Variants in LRRC4C observed in about 807,000 individuals in gnomAD.
LRRC4C encodes the protein leucine rich repeat containing 4C.
A neutral mutation model predicts 33.6 loss-of-function variants in LRRC4C; 5 were observed. That is an observed-to-expected ratio of 0.15 (90% CI 0.08 to 0.31). The LOEUF (loss-of-function observed/expected upper bound fraction) is 0.31, where lower values mean the gene tolerates loss of function less well. LRRC4C is among the 10% of genes least tolerant of loss of function. The pLI, the probability that LRRC4C is intolerant of heterozygous loss-of-function variation, is 1.00. For synonymous variants in LRRC4C, 329 were observed against 302.0 expected, an observed-to-expected ratio of 1.09 and a Z score of -0.93; for missense variants, 560 against 796.7, an observed-to-expected ratio of 0.70 and a Z score of 3.58.
intron 1 of LRRC4C, among the ~76,000 whole-genome samples, chr11:41,281,069 T>TC (rs1337316580): frequency 1.6e-4 from 22 of 136,974 alleles, no homozygotes; most frequent in African/African-American, 5.3e-4. Flanking sequence ...TCTCTCTCTC[T>TC]CTCTCTGTCC....
intron 1 of LRRC4C, among the ~76,000 whole-genome samples, chr11:41,183,380 G>T (rs1016197912): frequency 2.0e-5 from 3 of 151,320 alleles, no homozygotes; most frequent in African/African-American, 7.3e-5. Flanking sequence ...CAATGGAGGT[G>T]GGGCATTGGG....
chr11:41,037,929 G>GT (rs1030191341), intron 1 of LRRC4C, among the ~76,000 whole-genome samples: 89 of 152,204 alleles, frequency 5.8e-4, no homozygotes, highest in African/African-American at 2.0e-3. Context: ...TTTTTGAGTG[G>GT]TTTTACATTT....
intron 1 of LRRC4C, among the ~76,000 whole-genome samples, chr11:40,946,593 C>T (rs1202575772): frequency 2.6e-5 from 4 of 152,138 alleles, no homozygotes; most frequent in Non-Finnish European, 2.9e-5. Flanking sequence ...CCTTGCCAGC[C>T]TTGCCAACCA....
chr11:40,591,164 C>T (rs552484944), intron 3 of LRRC4C, among the ~76,000 whole-genome samples: 16 of 152,206 alleles, frequency 1.1e-4, no homozygotes, highest in African/African-American at 2.6e-4. Flanking sequence ...AGCCAGGTAC[C>T]GGATATAATC....
intron 1 of LRRC4C, among the ~76,000 whole-genome samples, chr11:41,339,771 C>A (rs1335177004): frequency 1.3e-5 from 2 of 152,154 alleles, no homozygotes; most frequent in Admixed American, 1.3e-4. Flanking sequence ...ATATGTTCAT[C>A]TCTCTTCCCT....
chr11:40,461,025 T>C (rs1344112353), intron 3 of LRRC4C, among the ~76,000 whole-genome samples: 1 of 152,174 alleles, frequency 6.6e-6, no homozygotes, highest in Non-Finnish European at 1.5e-5. Context: ...CTTTCCAAAA[T>C]AGTACTTCTG....
chr11:41,157,626 G>A (rs564951237), intron 1 of LRRC4C, among the ~76,000 whole-genome samples: 1 of 152,192 alleles, frequency 6.6e-6, no homozygotes, highest in East Asian at 1.9e-4. Context: ...TATCACATCA[G>A]TAATTACAGG....
At chr11:41,355,492 T>A (rs1506711) in intron 1 of LRRC4C, among the ~76,000 whole-genome samples, 2 of 151,886 alleles carry the variant, frequency 1.3e-5, no homozygotes, top group Non-Finnish European at 2.9e-5. Context: ...ATGTTAAAAG[T>A]GAATAAAGCC....
intron 3 of LRRC4C, among the ~76,000 whole-genome samples, chr11:40,605,609 G>A (rs1565552181): frequency 6.6e-6 from 1 of 152,092 alleles, no homozygotes; most frequent in Non-Finnish European, 1.5e-5. Flanking sequence ...TCTCCCTGGG[G>A]GAAGAAAAGA....
chr11:40,530,246 C>A (rs80320891), intron 3 of LRRC4C, among the ~76,000 whole-genome samples: 1 of 151,972 alleles, frequency 6.6e-6, no homozygotes, highest in Non-Finnish European at 1.5e-5. Flanking sequence ...AATATAATAT[C>A]CAATTAAGCA....
At chr11:40,825,769 C>G (rs932897804) in intron 2 of LRRC4C, among the ~76,000 whole-genome samples, 1 of 151,442 alleles carries the variant, frequency 6.6e-6, no homozygotes, top group African/African-American at 2.4e-5. Context: ...CTGCCAGAGT[C>G]CACTTAGTGT....
intron 1 of LRRC4C, among the ~76,000 whole-genome samples, chr11:41,152,063 G>T (rs1023631618): frequency 6.6e-6 from 1 of 152,034 alleles, no homozygotes; most frequent in Admixed American, 6.6e-5. Flanking sequence ...GAACTCCCTT[G>T]TTCTCTGTTC....
chr11:41,353,663 C>G (rs565182026), intron 1 of LRRC4C, among the ~76,000 whole-genome samples: 1 of 152,222 alleles, frequency 6.6e-6, no homozygotes, highest in East Asian at 1.9e-4. Flanking sequence ...CATCAAAAAG[C>G]TAATCTACCA....
At chr11:40,883,266 C>G (rs551641301) in intron 2 of LRRC4C, among the ~76,000 whole-genome samples, 5 of 152,022 alleles carry the variant, frequency 3.3e-5, no homozygotes, top group African/African-American at 9.7e-5. Context: ...AGAAATGCAA[C>G]TTTCCAGTCT....
intron 3 of LRRC4C, among the ~76,000 whole-genome samples, chr11:40,322,192 A>G (rs1036193535): frequency 3.9e-5 from 6 of 152,148 alleles, no homozygotes; most frequent in Non-Finnish European, 7.4e-5. Context: ...CAGCTTCTCA[A>G]TGGTAGCACT....
At chr11:40,267,204 G>T (rs1455632493) in intron 4 of LRRC4C, among the ~76,000 whole-genome samples, 1 of 152,076 alleles carries the variant, frequency 6.6e-6, no homozygotes, top group African/African-American at 2.4e-5. Context: ...TCAATGGCAT[G>T]CATGATCTTG....
chr11:40,307,729 G>T (rs1945111719), intron 4 of LRRC4C, among the ~76,000 whole-genome samples: 1 of 152,222 alleles, frequency 6.6e-6, no homozygotes, highest in East Asian at 1.9e-4. Flanking sequence ...CTCATTAAAT[G>T]TTTGTTAAAT....
chr11:41,448,304 C>CT (rs35728528), intron 1 of LRRC4C, among the ~76,000 whole-genome samples: 1,282 of 104,914 alleles, frequency 0.012, 49 homozygotes, highest in African/African-American at 0.031. Context: ...TTACATAGAG[C>CT]TTTTTTTTTT....
Position 40,357,186 on chromosome 11 carries a change from C to A in LRRC4C, c.-269-37465G>T, listed in dbSNP as rs548618836. Among the ~76,000 whole-genome samples, 5 of 152,172 alleles carry A rather than the reference C, an allele frequency of 3.3e-5. No individual in the cohort carries two copies. The East Asian group carries it at 7.7e-4, about 24-fold the overall frequency. ...CAAGAATTTTAAAGACCAAAGTCAG[C>A]CAAAGATAGGGGACTGGGGAAAATT... On this transcript the variant is annotated intron_variant, in intron 3 of 6. Coordinates refer to ENST00000528697, the MANE Select transcript of LRRC4C (RefSeq NM_001258419.2).
Sources: allele counts gnomAD v4.1 joint callset (sites outside exome capture counted in the v4.1 genomes callset), GRCh38; gene constraint gnomAD v4.1.1; transcripts MANE v1.5; gene names NCBI Gene and HGNC (gene_info 2026-07-23, HGNC 2026-07-21).